Variants in TPD52L2 observed in about 807,000 individuals in gnomAD.
TPD52L2 encodes the protein TPD52 like 2, also known as tumor protein D54.
A neutral mutation model predicts 24.7 loss-of-function variants in TPD52L2; 19 were observed. The observed-to-expected ratio is 0.77, with a 90% confidence interval of 0.54 to 1.13. TPD52L2 has a LOEUF of 1.13. TPD52L2 is among the 50% of genes most tolerant of loss of function. TPD52L2 has a pLI of 0.00. For missense variants in TPD52L2, 236 were observed against 250.4 expected (o/e 0.94, Z 0.39); for synonymous variants, 104 against 100.2 (o/e 1.04, Z -0.23).
chr20:63,882,657 G>T, intron 4 of TPD52L2, 62 bp from the exon 5 acceptor site: 2 of 1,359,162 alleles, frequency 1.5e-6, no homozygotes, highest in East Asian at 4.6e-5. Flanking sequence ...TGCTTTGTTT[G>T]CTTGGCTGTG....
intron 4 of TPD52L2, 141 bp downstream of exon 4, chr20:63,876,016 T>C: frequency 2.4e-6 from 2 of 834,602 alleles, no homozygotes; most frequent in South Asian, 1.7e-5. Flanking sequence ...ACTTTTCTTC[T>C]CTCAGGTAAA....
In TPD52L2 at chr20:63,869,190, G is replaced by A. The variant is rs531325529; in HGVS notation, c.20-106G>A. Reference sequence around the variant, plus strand: ...TCAGAGAAGAGGTGTTAGTCTCCAGGGTCTCACCCACTCCCACCTGTGCTT... The same window carrying A: ...TCAGAGAAGAGGTGTTAGTCTCCAGAGTCTCACCCACTCCCACCTGTGCTT... On this transcript the variant is annotated intron_variant, in intron 1 of 6. Transcript: ENST00000346249. 4.0e-4 allele frequency: 525 copies of A among 1,314,716 alleles called. 9 individuals carry two copies. In the South Asian group the frequency reaches 5.1e-3, roughly 13 times the overall value. The allele number at this position is 1,314,716 out of a possible 1,614,324, so 81.4% of individuals were successfully genotyped here.
chr20:63,874,727 A>G (rs2052602488), intron 3 of TPD52L2, among the ~76,000 whole-genome samples: 1 of 144,938 alleles, frequency 6.9e-6, no homozygotes, highest in South Asian at 2.2e-4. Flanking sequence ...CTGGTGGAAA[A>G]TGATAGGAAG....
Position 63,877,489 on chromosome 20 carries a change from C to A in TPD52L2, c.374+1614C>A, listed in dbSNP as rs1415601399. On this transcript the variant is annotated intron_variant, in intron 4 of 6. Transcript: ENST00000346249. The surrounding 1 kb of genome is among the most constrained non-coding windows in gnomAD (Gnocchi z 4.1). ...AGGGTGTTCTAGGGACCCTGGTGGGCTGTGTCTCGGGCTGTTGAACAGTGA... is the reference window on the plus strand; with the variant it reads ...AGGGTGTTCTAGGGACCCTGGTGGGATGTGTCTCGGGCTGTTGAACAGTGA... Among the ~76,000 whole-genome samples, 1 of 152,138 alleles carries A rather than the reference C, an allele frequency of 6.6e-6. No homozygotes were observed. Among genetic ancestry groups the A allele is most frequent in the Non-Finnish European group, 1.5e-5 (1 of 68,014 alleles).
intron 1 of TPD52L2, among the ~76,000 whole-genome samples, chr20:63,868,366 G>T (rs539180247): frequency 6.6e-6 from 1 of 152,224 alleles, no homozygotes; most frequent in African/African-American, 2.4e-5. Flanking sequence ...TTGACATGAA[G>T]AAAAAACAGT....
chr20:63,873,943 G>T (rs1026980077), intron 3 of TPD52L2, 127 bp downstream of exon 3: 15 of 1,133,358 alleles, frequency 1.3e-5, no homozygotes, highest in Non-Finnish European at 1.7e-5. Flanking sequence ...TGGCCTGTTT[G>T]GAAGGATCCA....
intron 2 of TPD52L2, among the ~76,000 whole-genome samples, chr20:63,872,030 A>G (rs1469342170): frequency 6.6e-6 from 1 of 151,404 alleles, no homozygotes; most frequent in Admixed American, 6.6e-5. Context: ...TGCCCCTTTC[A>G]GAGGTCATGT....
intron 2 of TPD52L2, among the ~76,000 whole-genome samples, chr20:63,870,617 G>A (rs546192338): frequency 2.2e-5 from 3 of 135,370 alleles, no homozygotes; most frequent in East Asian, 4.8e-4. Flanking sequence ...TCCAACACCC[G>A]GGTTCACGCC....
chr20:63,868,628 A>G (rs1418845032), intron 1 of TPD52L2, among the ~76,000 whole-genome samples: 1 of 152,172 alleles, frequency 6.6e-6, no homozygotes, highest in African/African-American at 2.4e-5. Flanking sequence ...TATTAACCAT[A>G]TTAGGTTCCT....
chr20:63,876,721 G>A, intron 4 of TPD52L2: 4 of 455,918 alleles, frequency 8.8e-6, no homozygotes. Context: ...GGGGGACCAG[G>A]CTGGCACTGC....
At chr20:63,887,676 G>A (rs2053185282) in intron 5 of TPD52L2, 2 of 1,469,926 alleles carry the variant, frequency 1.4e-6, no homozygotes, top group East Asian at 4.5e-5. Flanking sequence ...GCTCCCGCCG[G>A]TTACACCTTG....
chr20:63,873,078 T>C (rs1305843340), intron 2 of TPD52L2, among the ~76,000 whole-genome samples: 1 of 151,736 alleles, frequency 6.6e-6, no homozygotes, highest in Non-Finnish European at 1.5e-5. Flanking sequence ...GGCATGGTCA[T>C]CCTGGGCCAT....
rs1336886081 is a variant in TPD52L2, at chr20:63,865,373, C to T, written c.8C>T (p.Ser3Phe). The T allele has an allele frequency of 1.3e-6, 2 of 1,530,526 alleles. No homozygotes were observed. The highest frequency in any genetic ancestry group is 5.0e-5 in the East Asian group (2 of 39,970). The allele number at this position is 1,530,526 out of a possible 1,614,324, so 94.8% of individuals were successfully genotyped here. Residue 3 changes from serine (S) to phenylalanine (F), a missense_variant, in exon 1 of 7, where the codon TCC becomes TTC. Transcript: ENST00000346249. MDSAGQDINLNSP... is the reference protein window; with the variant it reads MDFAGQDINLNSP... Reference sequence around the variant, plus strand: ...TCCGGACGCCGCCCGAACATGGACTCCGCCGGCCAAGGTACCTGCCGGGCC... The same window carrying T: ...TCCGGACGCCGCCCGAACATGGACTTCGCCGGCCAAGGTACCTGCCGGGCC...
intron 4 of TPD52L2, 125 bp from the exon 5 acceptor site, chr20:63,882,594 G>A (rs2052943518): frequency 2.6e-6 from 2 of 762,176 alleles, no homozygotes; most frequent in Non-Finnish European, 4.6e-6. Flanking sequence ...CCTGGCGAGT[G>A]TCCACCCCTT....
rs556504553 is a variant in TPD52L2, at chr20:63,873,606, T to C, written c.166-62T>C. The C allele has an allele frequency of 2.5e-6, 4 of 1,580,186 alleles. No individual in the cohort carries two copies. In the East Asian group the frequency reaches 6.9e-5, roughly 27 times the overall value. ...CTTGTGTAACTCATGGCACTGTGCA[T>C]GAGGATGTTAGTCACTTCCTGCAGT... On this transcript the variant is annotated intron_variant, in intron 2 of 6. Coordinates refer to ENST00000346249, the MANE Select transcript of TPD52L2 (RefSeq NM_003288.4).
At chr20:63,888,636 C>T in intron 5 of TPD52L2, 1 of 140,516 alleles carries the variant, frequency 7.1e-6, no homozygotes, top group Admixed American at 6.7e-5. Flanking sequence ...AGTACGAGAG[C>T]CCAGGGTGTC....
Position 63,877,051 on chromosome 20 carries a change from C to T in TPD52L2, c.374+1176C>T, listed in dbSNP as rs1442510226. On this transcript the variant is annotated intron_variant, in intron 4 of 6. Coordinates refer to ENST00000346249, the MANE Select transcript of TPD52L2 (RefSeq NM_003288.4). This position sits in a 1 kb window ranked among gnomAD's most constrained non-coding sequence, Gnocchi z 4.1. ...TTGTTTGGTTTTTTTTTTGAGACAA[C>T]GTCTCGTTCTGTCTCCCAGGCTGGA... The T allele has an allele frequency of 9.1e-6, 4 of 440,318 alleles. No individual in the cohort carries two copies. Among genetic ancestry groups the T allele is most frequent in the African/African-American group, 2.1e-5 (1 of 48,738 alleles). 27.3% of individuals were successfully genotyped at this position (440,318 alleles called of 1,614,324 possible).
At chr20:63,878,401 A>G (rs2052771195) in intron 4 of TPD52L2, among the ~76,000 whole-genome samples, 3 of 152,188 alleles carry the variant, frequency 2.0e-5, no homozygotes, top group Admixed American at 2.0e-4. Flanking sequence ...CAGTGCTGAG[A>G]GGGGCATCAT....
At chr20:63,874,225 TTTTTG>T (rs1399012718) in intron 3 of TPD52L2, among the ~76,000 whole-genome samples, 1 of 138,618 alleles carries the variant, frequency 7.2e-6, no homozygotes, top group African/African-American at 2.8e-5. Flanking sequence ...CTGATTTTTT[TTTTTG>T]TGTGTGTGTG....
Sources: allele counts gnomAD v4.1 joint callset (sites outside exome capture counted in the v4.1 genomes callset), GRCh38; gene constraint gnomAD v4.1.1; non-coding constraint Gnocchi (gnomAD v3.1); transcripts MANE v1.5; gene names NCBI Gene and HGNC (gene_info 2026-07-23, HGNC 2026-07-21).